The following SLC23A2 variants were observed in gnomAD, a reference collection of about 807,000 sequenced individuals.
The protein encoded by SLC23A2 is Na(+)/L-ascorbic acid transporter 2.
In SLC23A2, 36 loss-of-function variants were observed where a neutral mutation model predicts 73.3. That is an observed-to-expected ratio of 0.49 (90% confidence interval 0.38 to 0.65). SLC23A2 has a LOEUF of 0.65. Among genes scored for constraint, SLC23A2 ranks in the 30% least tolerant of loss-of-function variants. The pLI, the probability that SLC23A2 is intolerant of heterozygous loss-of-function variation, is 0.00. For missense variants in SLC23A2, 507 were observed against 841.6 expected, an observed-to-expected ratio of 0.60 and a Z score of 4.92; for synonymous variants, 343 against 327.3, an observed-to-expected ratio of 1.05 and a Z score of -0.52.
At chr20:4,966,809 T>TACAC (rs56931121) in intron 2 of SLC23A2, among the ~76,000 whole-genome samples, 6,787 of 109,406 alleles carry the variant, frequency 0.062, 223 homozygotes, top group Non-Finnish European at 0.09. Context: ...TTGATAGTTT[T>TACAC]ACACACACAC....
chr20:4,981,237 T>C (rs566135683), intron 1 of SLC23A2, among the ~76,000 whole-genome samples: 1 of 152,310 alleles, frequency 6.6e-6, no homozygotes, highest in African/African-American at 2.4e-5. Context: ...ATTCAATTTC[T>C]CAGGAGAACT....
intron 6 of SLC23A2, among the ~76,000 whole-genome samples, chr20:4,890,214 G>A (rs974519029): frequency 6.6e-6 from 1 of 152,146 alleles, no homozygotes; most frequent in African/African-American, 2.4e-5. Flanking sequence ...ACAAAACCCT[G>A]CATTGTCAAA....
At chr20:4,861,799 T>C in intron 15 of SLC23A2, 149 bp downstream of exon 15, 2 of 784,894 alleles carry the variant, frequency 2.5e-6, no homozygotes, top group South Asian at 1.7e-5. Flanking sequence ...AGGTAAGTAT[T>C]GAAAAGTGAG....
At chr20:5,002,909 G>A (rs552178972), upstream of SLC23A2, among the ~76,000 whole-genome samples, 2 of 152,164 alleles carry the variant, frequency 1.3e-5, no homozygotes, top group African/African-American at 4.8e-5. Context: ...GGTTTTATGC[G>A]TCACGGGCGC....
chr20:4,883,227 C>T lies in SLC23A2; in HGVS notation c.824+415G>A, dbSNP rs1384305192. On this transcript the variant is annotated intron_variant, in intron 9 of 16. Transcript: ENST00000338244. This position sits in a 1 kb window ranked among gnomAD's most constrained non-coding sequence, Gnocchi z 4.5. The stretch of plus-strand genomic sequence containing the variant: ...GAGTCACATCATCAATGGCAACAGA[C>T]CTTTCCCACGACTTCTCTGGAAATA... 5.3e-5 allele frequency among the ~76,000 whole-genome samples: 8 copies of T among 152,130 alleles called. No individual in the cohort carries two copies. The highest frequency in any genetic ancestry group is 1.0e-4 in the Non-Finnish European group (7 of 68,030).
At chr20:4,881,061 G>C (rs1930863784) in intron 9 of SLC23A2, among the ~76,000 whole-genome samples, 1 of 152,204 alleles carries the variant, frequency 6.6e-6, no homozygotes, top group South Asian at 2.1e-4. Flanking sequence ...GGGCTGTGTG[G>C]GGGATGAGGC....
chr20:4,999,572 T>A lies in SLC23A2; in HGVS notation c.-282+1834A>T, dbSNP rs1026258117. On this transcript the variant is annotated intron_variant, in intron 1 of 16. Coordinates refer to ENST00000338244, the MANE Select transcript of SLC23A2 (RefSeq NM_005116.6). ...TACTCAGCTATTTTTTTTTTTTTTTTATAGAAACAGGAGTCTTGCTGGGTT... is the reference window on the plus strand; with the variant it reads ...TACTCAGCTATTTTTTTTTTTTTTTAATAGAAACAGGAGTCTTGCTGGGTT... Among the ~76,000 whole-genome samples, 75 of 143,468 alleles carry A rather than the reference T, an allele frequency of 5.2e-4. 1 individual carries two copies. The South Asian group carries it at 0.012, about 22-fold the overall frequency. The allele number at this position is 143,468 out of a possible 152,430, so 94.1% of individuals were successfully genotyped here. A position where few individuals can be genotyped will look rare whatever the true frequency, so the allele number is the denominator to read the frequency against.
At chr20:4,942,213 T>C (rs563432276) in intron 2 of SLC23A2, among the ~76,000 whole-genome samples, 1 of 152,234 alleles carries the variant, frequency 6.6e-6, no homozygotes, top group South Asian at 2.1e-4. Context: ...TGCGGAATAA[T>C]GTCCTCATGT....
rs886599665 is a variant in SLC23A2, at chr20:4,989,431, G to A, written c.-282+11975C>T. On this transcript the variant is annotated intron_variant, in intron 1 of 16. Coordinates refer to ENST00000338244, the MANE Select transcript of SLC23A2 (RefSeq NM_005116.6). ...AGTGAGATATCTTGAGAATGGGACC[G>A]AAGTCTGAACACAAAATTCATTTAT... Among the ~76,000 whole-genome samples, 3 of 151,954 alleles carry A rather than the reference G, an allele frequency of 2.0e-5. 1 individual carries two copies. Among genetic ancestry groups the A allele is most frequent in the Non-Finnish European group, 2.9e-5 (2 of 68,006 alleles).
intron 3 of SLC23A2, among the ~76,000 whole-genome samples, chr20:4,913,894 TG>T (rs902031676): frequency 5.9e-5 from 9 of 151,946 alleles, no homozygotes; most frequent in Non-Finnish European, 5.9e-5. Flanking sequence ...CCCAAAGTGC[TG>T]GGATTATAGG....
At chr20:4,980,853 C>G (rs2087716224) in intron 1 of SLC23A2, among the ~76,000 whole-genome samples, 1 of 152,034 alleles carries the variant, frequency 6.6e-6, no homozygotes, top group African/African-American at 2.4e-5. Context: ...TCAAATATAA[C>G]CAGATAAAAG....
intron 2 of SLC23A2, among the ~76,000 whole-genome samples, chr20:4,963,826 T>C (rs2087430889): frequency 6.6e-6 from 1 of 152,006 alleles, no homozygotes; most frequent in Admixed American, 6.6e-5. Context: ...CCAGCCTGGG[T>C]GACATAGTGA....
intron 9 of SLC23A2, among the ~76,000 whole-genome samples, chr20:4,879,645 T>C (rs1930802330): frequency 6.6e-6 from 1 of 152,072 alleles, no homozygotes; most frequent in African/African-American, 2.4e-5. Flanking sequence ...ATTGTGCCAC[T>C]GCACTCCAGC....
chr20:4,978,260 G>C (rs913496489), intron 1 of SLC23A2, among the ~76,000 whole-genome samples: 2 of 152,134 alleles, frequency 1.3e-5, no homozygotes, highest in Admixed American at 1.3e-4. Context: ...AACACAAATG[G>C]TTCTATTTTT....
At chr20:5,005,842 CG>C (rs1276828213), upstream of SLC23A2, among the ~76,000 whole-genome samples, 4 of 151,870 alleles carry the variant, frequency 2.6e-5, no homozygotes, top group Non-Finnish European at 5.9e-5. Flanking sequence ...CAAAATTAGC[CG>C]GGCATGGTGG....
At chr20:4,866,655 A>C (rs1930211857) in intron 13 of SLC23A2, among the ~76,000 whole-genome samples, 1 of 152,200 alleles carries the variant, frequency 6.6e-6, no homozygotes, top group South Asian at 2.1e-4. Context: ...ACCAACAAAC[A>C]AACCAGGCAT....
At chr20:4,896,161 C>T (rs995975580) in intron 6 of SLC23A2, among the ~76,000 whole-genome samples, 1 of 152,226 alleles carries the variant, frequency 6.6e-6, no homozygotes, top group South Asian at 2.1e-4. Context: ...ACGTGCCCCC[C>T]ACGGTGACTG....
At chr20:4,964,420 T>G (rs188863239) in intron 2 of SLC23A2, among the ~76,000 whole-genome samples, 39 of 152,298 alleles carry the variant, frequency 2.6e-4, no homozygotes, top group Admixed American at 1.9e-3. Context: ...AGGCTTAAAT[T>G]TTTCATTTTG....
intron 3 of SLC23A2, among the ~76,000 whole-genome samples, chr20:4,916,339 T>C (rs915924456): frequency 3.9e-5 from 6 of 152,154 alleles, no homozygotes; most frequent in African/African-American, 1.2e-4. Context: ...CTAGATATGA[T>C]TGAAAGTCTG....
Sources: allele counts gnomAD v4.1 joint callset (sites outside exome capture counted in the v4.1 genomes callset), GRCh38; gene constraint gnomAD v4.1.1; non-coding constraint Gnocchi (gnomAD v3.1); transcripts MANE v1.5; gene names NCBI Gene and HGNC (gene_info 2026-07-23, HGNC 2026-07-21).